The following LRRTM4 variants were observed in gnomAD, a reference collection of about 807,000 sequenced individuals.
LRRTM4 encodes the protein leucine rich repeat transmembrane neuronal 4, also known as leucine-rich repeat transmembrane neuronal protein 4.
In LRRTM4, 25 loss-of-function variants were observed where a neutral mutation model predicts 47.6. The ratio of observed to expected loss-of-function variants is 0.53; its 90% CI spans 0.38 to 0.73. The LOEUF is 0.73. Ranked by LOEUF, LRRTM4 falls within the 30% of genes least tolerant of loss-of-function variation. The probability of loss-of-function intolerance (pLI) is 0.00; values close to 1 mark genes in which losing one functional copy is unlikely to be tolerated. For synonymous variants in LRRTM4, 311 were observed against 269.5 expected (o/e 1.15, Z -1.51); for missense variants, 638 against 713.4 (o/e 0.89, Z 1.20).
chr2:77,001,086 A>G (rs891122311), intron 3 of LRRTM4, among the ~76,000 whole-genome samples: 1 of 152,166 alleles, frequency 6.6e-6, no homozygotes, highest in Admixed American at 6.6e-5. Flanking sequence ...AAGCTAACTA[A>G]CTAAAGTTAT....
chr2:77,073,653 A>G (rs1322309301), intron 3 of LRRTM4, among the ~76,000 whole-genome samples: 1 of 152,146 alleles, frequency 6.6e-6, no homozygotes, highest in Non-Finnish European at 1.5e-5. Flanking sequence ...CTTCAAATAC[A>G]TTGAAAAATA....
rs201113286 is a variant in LRRTM4, at chr2:76,757,258, G to T, written c.1552-8342C>A. Among the ~76,000 whole-genome samples the T allele has an allele frequency of 2.6e-5, 4 of 152,072 alleles. No homozygotes were observed. The East Asian group carries it at 5.8e-4, about 22-fold the overall frequency. Reference sequence around the variant, plus strand: ...TTTCTCTATAGCATTTGTTTGTCTTGTCCTGTTGTTATTTAGAGGTGGGAA... The same window carrying T: ...TTTCTCTATAGCATTTGTTTGTCTTTTCCTGTTGTTATTTAGAGGTGGGAA... On this transcript the variant is annotated intron_variant, in intron 3 of 3. Coordinates refer to ENST00000409884, the MANE Select transcript of LRRTM4 (RefSeq NM_001134745.3).
chr2:76,933,601 C>T (rs1320733771), intron 3 of LRRTM4, among the ~76,000 whole-genome samples: 1 of 152,012 alleles, frequency 6.6e-6, no homozygotes, highest in Admixed American at 6.6e-5. Context: ...TTTAGATTAT[C>T]ATGTTTTGAA....
At chr2:77,371,051 C>CTTGCAAAT (rs1391559416) in intron 3 of LRRTM4, among the ~76,000 whole-genome samples, 1 of 151,682 alleles carries the variant, frequency 6.6e-6, no homozygotes, top group Non-Finnish European at 1.5e-5. Context: ...GAACTCAACT[C>CTTGCAAAT]TTGCAAATCA....
chr2:77,008,587 C>A (rs961447651), intron 3 of LRRTM4, among the ~76,000 whole-genome samples: 3 of 152,114 alleles, frequency 2.0e-5, no homozygotes, highest in East Asian at 1.9e-4. Flanking sequence ...GTTGTCAATG[C>A]AATTCCTGAC....
At chr2:77,104,052 T>C (rs1671029927) in intron 3 of LRRTM4, among the ~76,000 whole-genome samples, 1 of 152,192 alleles carries the variant, frequency 6.6e-6, no homozygotes. Flanking sequence ...AAAAATTCTT[T>C]ATTTCTATTT....
chr2:76,797,470 A>G (rs1267700974), intron 3 of LRRTM4, among the ~76,000 whole-genome samples: 2 of 152,164 alleles, frequency 1.3e-5, no homozygotes, highest in African/African-American at 4.8e-5. Context: ...AGAAAGCACT[A>G]AACATGGAAA....
intron 3 of LRRTM4, among the ~76,000 whole-genome samples, chr2:77,279,928 G>A (rs976640326): frequency 2.6e-5 from 4 of 151,956 alleles, no homozygotes; most frequent in Non-Finnish European, 4.4e-5. Flanking sequence ...TAGAAAATGA[G>A]TTATAAGGAA....
intron 3 of LRRTM4, among the ~76,000 whole-genome samples, chr2:77,257,409 A>G (rs1175402618): frequency 2.6e-5 from 4 of 152,258 alleles, no homozygotes; most frequent in Admixed American, 1.3e-4. Flanking sequence ...ATCAATAAAT[A>G]TGTGAAAACC....
chr2:77,215,365 A>G (rs1375696265), intron 3 of LRRTM4, among the ~76,000 whole-genome samples: 2 of 152,218 alleles, frequency 1.3e-5, no homozygotes, highest in African/African-American at 4.8e-5. Flanking sequence ...ATTAATGAGA[A>G]GAGTACATTG....
chr2:77,020,758 G>A (rs188423081), intron 3 of LRRTM4, among the ~76,000 whole-genome samples: 15 of 152,100 alleles, frequency 9.9e-5, no homozygotes, highest in African/African-American at 3.6e-4. Flanking sequence ...AAAAGAAATG[G>A]TATCTCTCAG....
intron 3 of LRRTM4, among the ~76,000 whole-genome samples, chr2:77,024,961 T>C (rs1678403579): frequency 6.6e-6 from 1 of 152,186 alleles, no homozygotes; most frequent in Admixed American, 6.5e-5. Flanking sequence ...TATTAGTTTT[T>C]TGTTTCAAAT....
chr2:76,793,689 T>A (rs937703936), intron 3 of LRRTM4, among the ~76,000 whole-genome samples: 1 of 152,088 alleles, frequency 6.6e-6, no homozygotes, highest in African/African-American at 2.4e-5. Flanking sequence ...GATTCACAGG[T>A]TGCCAGCCTT....
intron 3 of LRRTM4, among the ~76,000 whole-genome samples, chr2:76,904,193 T>C: frequency 6.6e-6 from 1 of 152,230 alleles, no homozygotes; most frequent in Non-Finnish European, 1.5e-5. Context: ...TTCTGCTCTA[T>C]TACAATTGTC....
intron 3 of LRRTM4, among the ~76,000 whole-genome samples, chr2:77,208,135 T>C (rs1674193339): frequency 6.6e-6 from 1 of 152,040 alleles, no homozygotes; most frequent in African/African-American, 2.4e-5. Context: ...CACCTTGGCC[T>C]CCCAAAGTGC....
chr2:77,363,257 A>G (rs563593330), intron 3 of LRRTM4, among the ~76,000 whole-genome samples: 1 of 152,230 alleles, frequency 6.6e-6, no homozygotes, highest in Non-Finnish European at 1.5e-5. Flanking sequence ...TATAATATGT[A>G]GTTGTCATTG....
chr2:76,754,807 C>T (rs1672970735), intron 3 of LRRTM4, among the ~76,000 whole-genome samples: 1 of 152,096 alleles, frequency 6.6e-6, no homozygotes, highest in African/African-American at 2.4e-5. Context: ...TAGCCATTGC[C>T]CTGTGAACGT....
intron 3 of LRRTM4, among the ~76,000 whole-genome samples, chr2:76,935,755 G>C (rs1299273594): frequency 6.6e-6 from 1 of 152,082 alleles, no homozygotes; most frequent in Non-Finnish European, 1.5e-5. Context: ...TGAGACAATG[G>C]GGTTTTCTAA....
chr2:76,972,209 C>A (rs1263865279), intron 3 of LRRTM4, among the ~76,000 whole-genome samples: 2 of 151,882 alleles, frequency 1.3e-5, no homozygotes, highest in East Asian at 3.9e-4. Context: ...TCTACCCATC[C>A]AATTAGGTGA....
Sources: gnomAD v4.1 joint callset for allele counts (sites outside exome capture counted in the v4.1 genomes callset) on GRCh38, gnomAD v4.1.1 for gene constraint, MANE v1.5 for transcripts, NCBI Gene and HGNC (gene_info 2026-07-23, HGNC 2026-07-21) for gene names.